The following ATRX variants were observed in gnomAD, a reference collection of about 807,000 sequenced individuals.
The protein encoded by ATRX is chromatin remodeler ATRX.
In ATRX, 12 loss-of-function variants were observed where a neutral mutation model predicts 172.6. That is an observed-to-expected ratio of 0.07 (90% CI 0.04 to 0.11). ATRX has a LOEUF of 0.11. ATRX is among the 10% of genes least tolerant of loss of function. The pLI is 1.00. For synonymous variants in ATRX, 674 were observed against 594.7 expected (o/e 1.13, Z -1.94); for missense variants, 1,368 against 1,767.4 (o/e 0.77, Z 4.05).
intron 1 of ATRX, among the ~76,000 whole-genome samples, chrX:77,779,904 C>G (rs1442333165): frequency 1.8e-5 from 2 of 112,111 alleles, no homozygotes; most frequent in African/African-American, 6.5e-5. Context: ...GACAAAGTTT[C>G]AGAGACAGGA....
intron 28 of ATRX, among the ~76,000 whole-genome samples, chrX:77,563,378 C>A: frequency 8.9e-6 from 1 of 112,143 alleles, no homozygotes; most frequent in Non-Finnish European, 1.9e-5. Flanking sequence ...CATCTTTTGT[C>A]AAAACCATTT....
intron 1 of ATRX, among the ~76,000 whole-genome samples, chrX:77,718,550 A>G (rs782347158): frequency 9.3e-6 from 1 of 108,013 alleles, no homozygotes; most frequent in African/African-American, 3.4e-5. Context: ...ATTTTTTTGT[A>G]TTTTTAGCAG....
At chrX:77,669,057 C>G (rs2070409882) in intron 10 of ATRX, among the ~76,000 whole-genome samples, 1 of 111,405 alleles carries the variant, frequency 9.0e-6, no homozygotes, top group Non-Finnish European at 1.9e-5. Flanking sequence ...GAGCCATTAA[C>G]AAAAGCAATA....
At chrX:77,745,538 A>T (rs1557184470) in intron 1 of ATRX, among the ~76,000 whole-genome samples, 1 of 111,667 alleles carries the variant, frequency 9.0e-6, no homozygotes, top group Non-Finnish European at 1.9e-5. Flanking sequence ...CTAAAAATCA[A>T]AACAATTGAA....
intron 1 of ATRX, among the ~76,000 whole-genome samples, chrX:77,746,216 G>A (rs782458453): frequency 1.8e-5 from 2 of 110,799 alleles, no homozygotes; most frequent in South Asian, 7.6e-4. Context: ...TTGGGTGATG[G>A]AAACTCTAAA....
At chrX:77,679,380 T>G (rs1479928747) in intron 9 of ATRX, among the ~76,000 whole-genome samples, 3 of 111,300 alleles carry the variant, frequency 2.7e-5, no homozygotes, top group East Asian at 2.8e-4. Flanking sequence ...GATACACACC[T>G]GAGAAAAAGT....
intron 29 of ATRX, among the ~76,000 whole-genome samples, chrX:77,558,039 A>G (rs1419760027): frequency 1.8e-5 from 2 of 111,373 alleles, no homozygotes; most frequent in Non-Finnish European, 3.8e-5. Context: ...TTCCTTTTCA[A>G]TGTAATATAA....
intron 27 of ATRX, among the ~76,000 whole-genome samples, chrX:77,583,262 G>A (rs996796684): frequency 7.2e-5 from 8 of 111,567 alleles, no homozygotes; most frequent in Non-Finnish European, 7.5e-5. Context: ...GGTGGCTCAC[G>A]TCTGTAATCC....
At chrX:77,558,469 G>C (rs1350608938) in intron 29 of ATRX, among the ~76,000 whole-genome samples, 200 bp downstream of exon 29, 3 of 111,482 alleles carry the variant, frequency 2.7e-5, no homozygotes, top group Admixed American at 9.6e-5. Flanking sequence ...ATCTCAACCT[G>C]AGAAAGATGA....
At chrX:77,723,660 A>T (rs1435800554) in intron 1 of ATRX, among the ~76,000 whole-genome samples, 1 of 111,651 alleles carries the variant, frequency 9.0e-6, no homozygotes, top group African/African-American at 3.3e-5. Context: ...TCGTGCTCAG[A>T]TAGAAAATGA....
intron 30 of ATRX, among the ~76,000 whole-genome samples, chrX:77,533,911 T>C (rs1363417839): frequency 8.9e-6 from 1 of 112,471 alleles, no homozygotes; most frequent in Non-Finnish European, 1.9e-5. Flanking sequence ...AGTGCTTATA[T>C]AGTTATACTT....
intron 10 of ATRX, among the ~76,000 whole-genome samples, chrX:77,673,631 G>A: frequency 9.0e-6 from 1 of 110,605 alleles, no homozygotes; most frequent in East Asian, 2.8e-4. Flanking sequence ...TATGAGTGAC[G>A]CTACATAATA....
intron 1 of ATRX, among the ~76,000 whole-genome samples, chrX:77,765,140 C>G (rs1557194804): frequency 9.0e-6 from 1 of 111,576 alleles, no homozygotes; most frequent in Non-Finnish European, 1.9e-5. Flanking sequence ...GCACTCCAGC[C>G]TGGGCAACAG....
In ATRX at chrX:77,684,835, G is replaced by A. The variant is rs1350633337; in HGVS notation, c.662+104C>T. On this transcript the variant is annotated intron_variant, in intron 8 of 34. Coordinates refer to ENST00000373344, the MANE Select transcript of ATRX (RefSeq NM_000489.6). ...TGGAAAAGAACAACCTTTCATTAAA[G>A]ACATCAATGACGATACTATGAAAGA... 1.4e-5 allele frequency: 11 copies of A among 802,405 alleles called. No individual in the cohort carries two copies. The African/African-American group carries it at 1.8e-4, about 13-fold the overall frequency. 66.1% of individuals were successfully genotyped at this position (802,405 alleles called of 1,213,427 possible). A position where few individuals can be genotyped will look rare whatever the true frequency, so the allele number is the denominator to read the frequency against.
intron 1 of ATRX, among the ~76,000 whole-genome samples, chrX:77,731,545 G>A (rs183686437): frequency 9.0e-6 from 1 of 111,503 alleles, no homozygotes; most frequent in East Asian, 2.8e-4. Flanking sequence ...CTGTTTGTCC[G>A]CTCTCTCCCG....
chrX:77,665,346 T>C (rs782357963), intron 10 of ATRX, among the ~76,000 whole-genome samples: 1 of 112,141 alleles, frequency 8.9e-6, no homozygotes, highest in East Asian at 2.8e-4. Flanking sequence ...CATACACAAA[T>C]GTTAAGTATT....
At chrX:77,548,510 G>T (rs782295671) in intron 30 of ATRX, among the ~76,000 whole-genome samples, 2 of 111,477 alleles carry the variant, frequency 1.8e-5, no homozygotes, top group African/African-American at 3.3e-5. Context: ...CAAATATTAG[G>T]TTCACATACC....
At chrX:77,526,923 C>T (rs1238207799) in intron 30 of ATRX, among the ~76,000 whole-genome samples, 1 of 112,444 alleles carries the variant, frequency 8.9e-6, no homozygotes, top group African/African-American at 3.2e-5. Flanking sequence ...CAATAACTTT[C>T]CTTTTGACTT....
chrX:77,528,966 C>T (rs1449944874), intron 30 of ATRX, among the ~76,000 whole-genome samples: 2 of 112,212 alleles, frequency 1.8e-5, no homozygotes, highest in African/African-American at 6.5e-5. Context: ...TAGAGAGGAA[C>T]ATAACCAACC....
Sources: allele counts gnomAD v4.1 joint callset (sites outside exome capture counted in the v4.1 genomes callset), GRCh38; gene constraint gnomAD v4.1.1; transcripts MANE v1.5; gene names NCBI Gene and HGNC (gene_info 2026-07-23, HGNC 2026-07-21).